PCYOX1: variants seen among roughly 807,000 people sequenced by gnomAD.
PCYOX1 encodes prenylcysteine oxidase 1.
Under a neutral mutation model 46.4 loss-of-function variants are expected in PCYOX1, and 46 were observed. That is an observed-to-expected ratio of 0.99 (90% CI 0.78 to 1.27). The LOEUF (loss-of-function observed/expected upper bound fraction) is 1.27. PCYOX1 is among the 50% of genes most tolerant of loss of function. PCYOX1 has a pLI of 0.00. For missense variants in PCYOX1, 658 were observed against 628.3 expected (o/e 1.05, Z -0.51); for synonymous variants, 220 against 231.8 (o/e 0.95, Z 0.46).
chr2:70,259,946 G>C (rs1156758536), intron 2 of PCYOX1, among the ~76,000 whole-genome samples: 1 of 152,230 alleles, frequency 6.6e-6, no homozygotes, highest in African/African-American at 2.4e-5. Flanking sequence ...CTCCTGAGTA[G>C]CTGGGATTAC....
chr2:70,259,972 C>T (rs775245715), intron 2 of PCYOX1, among the ~76,000 whole-genome samples: 36 of 152,226 alleles, frequency 2.4e-4, no homozygotes, highest in Non-Finnish European at 4.4e-4. Context: ...CCTGCCACCA[C>T]GCCCAGCTAA....
At chr2:70,275,311 A>T (rs1696655066) in intron 4 of PCYOX1, 141 bp downstream of exon 4, 1 of 845,206 alleles carries the variant, frequency 1.2e-6, no homozygotes, top group Non-Finnish European at 1.9e-6. Flanking sequence ...AATTGTGCGT[A>T]TGTAGATGTG....
intron 3 of PCYOX1, among the ~76,000 whole-genome samples, chr2:70,262,943 G>A (rs747625248): frequency 2.6e-5 from 4 of 152,090 alleles, no homozygotes; most frequent in Non-Finnish European, 5.9e-5. Flanking sequence ...ACAAATATGA[G>A]TTAAGCAGGG....
intron 2 of PCYOX1, 44 bp from the exon 3 acceptor site, chr2:70,261,168 C>G: frequency 1.5e-6 from 2 of 1,341,330 alleles, no homozygotes; most frequent in Non-Finnish European, 2.1e-6. Flanking sequence ...TTCATTTGAT[C>G]AGCATAGACA....
intron 3 of PCYOX1, among the ~76,000 whole-genome samples, chr2:70,267,685 A>G (rs1292917781): frequency 6.6e-6 from 1 of 151,464 alleles, no homozygotes; most frequent in Non-Finnish European, 1.5e-5. Flanking sequence ...GGCACTTGGC[A>G]GGCTGAAGCA....
rs796334614 is a variant in PCYOX1, at chr2:70,275,504, C to T, written c.707-10C>T. ...TCAGAATTAAAACACATTTTTCCTC[C>T]TATTGACAGGGGCGGTGTCACTGTC... On this transcript the variant is annotated splice_polypyrimidine_tract_variant and intron_variant, in intron 4 of 5. Coordinates refer to ENST00000433351, the MANE Select transcript of PCYOX1 (RefSeq NM_016297.4). The T allele has an allele frequency of 3.1e-6, 5 of 1,611,302 alleles. No homozygotes were observed. In the South Asian group the frequency reaches 3.3e-5, roughly 11 times the overall value.
chr2:70,257,932 G>C, upstream of PCYOX1: 1 of 388,160 alleles, frequency 2.6e-6, no homozygotes, highest in South Asian at 4.6e-5. Flanking sequence ...TCTTCTGAAG[G>C]AGGGTGGGCT....
At chr2:70,264,962 T>A (rs921512411) in intron 3 of PCYOX1, among the ~76,000 whole-genome samples, 8 of 151,902 alleles carry the variant, frequency 5.3e-5, no homozygotes, top group Middle Eastern at 3.2e-3. Flanking sequence ...TGAGCCAAGA[T>A]CAAAGTATAC....
intron 3 of PCYOX1, among the ~76,000 whole-genome samples, chr2:70,262,525 G>C (rs1696455758): frequency 6.7e-6 from 1 of 148,278 alleles, no homozygotes; most frequent in Non-Finnish European, 1.5e-5. Flanking sequence ...TGTCGCCCGG[G>C]CTGGAGTGCA....
Position 70,274,973 on chromosome 2 carries a change from A to G in PCYOX1, c.509A>G (p.Gln170Arg), listed in dbSNP as rs1315015825. 2 of 1,601,798 alleles carry G rather than the reference A, an allele frequency of 1.2e-6. No individual in the cohort carries two copies. Among genetic ancestry groups the G allele is most frequent in the African/African-American group, 1.3e-5 (1 of 74,698 alleles). Reference protein sequence around the residue: ...LDKFMRIYRYQSHDYAFSSVE... With the variant: ...LDKFMRIYRYRSHDYAFSSVE... ...CTTTTCCAAAGGATCTACCGCTACC[A>G]GTCTCATGACTATGCCTTCAGTAGT... The change falls in exon 4 of 6, where the codon CAG (glutamine) becomes CGG (arginine). Residue 170 changes from glutamine (Q) to arginine (R), a missense_variant. Coordinates refer to ENST00000433351, the MANE Select transcript of PCYOX1 (RefSeq NM_016297.4).
At chr2:70,263,328 G>A (rs1369566035) in intron 3 of PCYOX1, among the ~76,000 whole-genome samples, 10 of 152,074 alleles carry the variant, frequency 6.6e-5, no homozygotes, top group Admixed American at 6.6e-4. Flanking sequence ...TCTTAGGTCA[G>A]TTCCTTAAAT....
Position 70,261,306 on chromosome 2 carries a change from G to A in PCYOX1, c.414G>A (p.Val138=), listed in dbSNP as rs756103774. The part of the protein sequence containing the change: ...FEESNWFIIN[V]IKLVWRYGFQ... Reference sequence around the variant, plus strand: ...AGAGCAACTGGTTCATAATTAACGTGATTAAATTAGTTTGGCGCTATGGAT... The same window carrying A: ...AGAGCAACTGGTTCATAATTAACGTAATTAAATTAGTTTGGCGCTATGGAT... Residue 138 remains valine, a synonymous_variant, in exon 3 of 6, where the codon GTG becomes GTA. Coordinates refer to ENST00000433351, the MANE Select transcript of PCYOX1 (RefSeq NM_016297.4). 1 of 1,610,812 alleles carries A rather than the reference G, an allele frequency of 6.2e-7. No individual in the cohort carries two copies. The highest frequency in any genetic ancestry group is 8.5e-7 in the Non-Finnish European group (1 of 1,177,078).
At chr2:70,272,525 C>G (rs1024544680) in intron 3 of PCYOX1, among the ~76,000 whole-genome samples, 12 of 152,080 alleles carry the variant, frequency 7.9e-5, no homozygotes, top group African/African-American at 2.9e-4. Flanking sequence ...CTCTGTCACC[C>G]AGGCTGGAGT....
At chr2:70,263,225 C>T (rs1041415530) in intron 3 of PCYOX1, among the ~76,000 whole-genome samples, 1 of 127,818 alleles carries the variant, frequency 7.8e-6, no homozygotes, top group Non-Finnish European at 1.8e-5. Flanking sequence ...CAGAGCCAGA[C>T]TGTCTAAAAA....
intron 3 of PCYOX1, among the ~76,000 whole-genome samples, chr2:70,263,242 AAAG>A (rs931701798): frequency 6.6e-5 from 10 of 151,790 alleles, no homozygotes; most frequent in Non-Finnish European, 1.2e-4. Flanking sequence ...AAAAAAAAAA[AAAG>A]AAAGCTAAGC....
At chr2:70,261,794 A>G (rs1042485959) in intron 3 of PCYOX1, among the ~76,000 whole-genome samples, 1 of 152,208 alleles carries the variant, frequency 6.6e-6, no homozygotes, top group Non-Finnish European at 1.5e-5. Flanking sequence ...CTGGCCTTTG[A>G]GTCTTCACTC....
At chr2:70,274,923 GT>G in intron 3 of PCYOX1, 35 bp from the exon 4 acceptor site, 2 of 1,266,962 alleles carry the variant, frequency 1.6e-6, no homozygotes, top group Non-Finnish European at 2.3e-6. Context: ...CCCACATCTT[GT>G]TTGGTATTTA....
chr2:70,258,289 G>C lies in PCYOX1; in HGVS notation c.112+13G>C. ...CCAGATAAAATCGGTAGGCGAGAAG[G>C]GGGCGGCGCGGGAAGGTGCTGGAGC... On this transcript the variant is annotated intron_variant, in intron 1 of 5. Transcript: ENST00000433351. The C allele has an allele frequency of 6.5e-7, 1 of 1,546,990 alleles. No homozygotes were observed. Among genetic ancestry groups the C allele is most frequent in the African/African-American group, 1.4e-5 (1 of 71,290 alleles).
Position 70,258,204 on chromosome 2 carries a change from G to T in PCYOX1, c.40G>T (p.Gly14Trp). The change falls in exon 1 of 6, where the codon GGG becomes TGG. Residue 14 changes from glycine (G) to tryptophan (W), a missense_variant. Coordinates refer to ENST00000433351, the MANE Select transcript of PCYOX1 (RefSeq NM_016297.4). ...VVAELVSSLL[G>W]LWLLLCSCGC... ...CGCGGAGCTCGTCTCCTCGCTGCTG[G>T]GGTTGTGGCTGTTGCTGTGCAGCTG... 6.3e-7 allele frequency: 1 copy of T among 1,599,704 alleles called. No individual in the cohort carries two copies. Among genetic ancestry groups the T allele is most frequent in the East Asian group, 2.3e-5 (1 of 43,856 alleles).
Sources: allele counts gnomAD v4.1 joint callset (sites outside exome capture counted in the v4.1 genomes callset), GRCh38; gene constraint gnomAD v4.1.1; transcripts MANE v1.5; gene names NCBI Gene and HGNC (gene_info 2026-07-23, HGNC 2026-07-21).